Variants in PAFAH2 observed in about 807,000 individuals in gnomAD.
The protein encoded by PAFAH2 is platelet-activating factor acetylhydrolase 2, cytoplasmic.
Under a neutral mutation model 49.0 loss-of-function variants are expected in PAFAH2, and 42 were observed. The observed-to-expected ratio is 0.86, with a 90% CI of 0.67 to 1.11. The LOEUF is 1.11. Among genes scored for constraint, PAFAH2 ranks in the 50% least tolerant of loss-of-function variants. PAFAH2 has a pLI of 0.00. For synonymous variants in PAFAH2, 184 were observed against 181.3 expected, an observed-to-expected ratio of 1.01 and a Z score of -0.12; for missense variants, 503 against 501.8, an observed-to-expected ratio of 1.00 and a Z score of -0.02.
At chr1:25,985,667 G>A (rs1259781177) in intron 4 of PAFAH2, among the ~76,000 whole-genome samples, 3 of 152,128 alleles carry the variant, frequency 2.0e-5, no homozygotes, top group African/African-American at 4.8e-5. Context: ...GAATTCTCTC[G>A]TCTTCACTAC....
chr1:25,982,259 C>T (rs1466518561), intron 7 of PAFAH2, 105 bp downstream of exon 7: 3 of 802,288 alleles, frequency 3.7e-6, no homozygotes, highest in Non-Finnish European at 6.3e-6. Context: ...GTTATATGAG[C>T]CAATCAATTC....
chr1:25,985,105 C>T (rs2049762676), intron 4 of PAFAH2, among the ~76,000 whole-genome samples: 1 of 152,056 alleles, frequency 6.6e-6, no homozygotes, highest in African/African-American at 2.4e-5. Context: ...GATCCGCCCA[C>T]CTCGGCCTCC....
intron 10 of PAFAH2, among the ~76,000 whole-genome samples, chr1:25,962,735 G>A (rs1356254531): frequency 6.6e-6 from 1 of 151,840 alleles, no homozygotes; most frequent in Non-Finnish European, 1.5e-5. Context: ...CAAGACTGGA[G>A]GATTGCTTGA....
intron 1 of PAFAH2, among the ~76,000 whole-genome samples, chr1:25,995,158 C>T (rs1394582050): frequency 6.6e-6 from 1 of 152,224 alleles, no homozygotes; most frequent in Non-Finnish European, 1.5e-5. Flanking sequence ...TCTCCATCCA[C>T]TGAGGCCCAG....
chr1:25,997,329 AAG>A (rs1458168642), intron 1 of PAFAH2: 1 of 152,258 alleles, frequency 6.6e-6, no homozygotes, highest in East Asian at 1.9e-4. Flanking sequence ...GAGGCCTGAT[AAG>A]AGTGTTCCAG....
In PAFAH2 at chr1:25,960,309, T is replaced by A. The variant is rs909280641; in HGVS notation, c.*1680A>T. 1 of 152,682 alleles carries A rather than the reference T, an allele frequency of 6.5e-6. No homozygotes were observed. Among genetic ancestry groups the A allele is most frequent in the African/African-American group, 2.4e-5 (1 of 41,468 alleles). 9.5% of individuals were successfully genotyped at this position (152,682 alleles called of 1,614,324 possible). On this transcript the variant is annotated 3_prime_UTR_variant, in exon 11 of 11. Transcript: ENST00000374282. ...CTGACCATGGGCCATTGTGTAGAGA[T>A]GCATTTCCCTTTTGCTCTTACCTAC...
chr1:25,989,654 C>T lies in PAFAH2; in HGVS notation c.91-53G>A. On this transcript the variant is annotated intron_variant, in intron 2 of 10. Coordinates refer to ENST00000374282, the MANE Select transcript of PAFAH2 (RefSeq NM_000437.4). ...AGAGCAAGGAGCCCAGGCTAGATTT[C>T]CCAACAGCCACACTCAGCAGGTGTT... The T allele has an allele frequency of 4.4e-6, 6 of 1,372,842 alleles. 1 individual carries two copies. In the South Asian group the frequency reaches 1.1e-4, roughly 24 times the overall value. The allele number at this position is 1,372,842 out of a possible 1,614,324, so 85.0% of individuals were successfully genotyped here.
chr1:25,988,095 A>G (rs922393465), intron 4 of PAFAH2, 136 bp downstream of exon 4: 1 of 615,780 alleles, frequency 1.6e-6, no homozygotes, highest in African/African-American at 1.9e-5. Context: ...ACCCAATGCT[A>G]TGGGACGAAG....
intron 2 of PAFAH2, among the ~76,000 whole-genome samples, chr1:25,990,094 G>C (rs1275129338): frequency 6.6e-6 from 1 of 152,076 alleles, no homozygotes; most frequent in Non-Finnish European, 1.5e-5. Context: ...AAGTCCAAGG[G>C]CTAGCAGAGA....
At chr1:25,989,128 C>T (rs1164378800) in intron 3 of PAFAH2, among the ~76,000 whole-genome samples, 2 of 152,124 alleles carry the variant, frequency 1.3e-5, no homozygotes, top group Non-Finnish European at 2.9e-5. Context: ...TTATATGTCC[C>T]AAGCACCGCA....
rs755949943 is a variant in PAFAH2, at chr1:25,990,837, A to G, written c.-21T>C. 3.7e-6 allele frequency: 6 copies of G among 1,606,100 alleles called. No individual in the cohort carries two copies. In the Admixed American group the frequency reaches 1.0e-4, roughly 27 times the overall value. ...CCCATTTCATCACCGGGTGAATCAA[A>G]TGACTTGCCGGAGCTGAACTTGCTG... On this transcript the variant is annotated 5_prime_UTR_variant, in exon 2 of 11. Transcript: ENST00000374282.
chr1:25,991,760 GC>G (rs1387129001), intron 1 of PAFAH2, among the ~76,000 whole-genome samples: 12 of 151,972 alleles, frequency 7.9e-5, no homozygotes, highest in African/African-American at 2.9e-4. Context: ...GGGTGCAGTG[GC>G]AGGCACCTAT....
intron 4 of PAFAH2, among the ~76,000 whole-genome samples, chr1:25,985,819 T>C (rs563389367): frequency 1.3e-5 from 2 of 152,366 alleles, no homozygotes; most frequent in Admixed American, 1.3e-4. Flanking sequence ...CAGGAGTCTA[T>C]GTTCCTGCTC....
chr1:25,963,399 G>C (rs1194085554), intron 10 of PAFAH2, among the ~76,000 whole-genome samples: 2 of 152,156 alleles, frequency 1.3e-5, no homozygotes, highest in African/African-American at 2.4e-5. Flanking sequence ...TATAGGATGT[G>C]AAAAGGGGAG....
intron 10 of PAFAH2, 46 bp downstream of exon 10, chr1:25,972,512 C>G (rs1311705655): frequency 6.3e-7 from 1 of 1,585,458 alleles, no homozygotes; most frequent in South Asian, 1.1e-5. Context: ...GCAAGGAAAT[C>G]TAAGGGACCC....
chr1:25,988,463 G>T, intron 3 of PAFAH2, 136 bp from the exon 4 acceptor site: 1 of 635,742 alleles, frequency 1.6e-6, no homozygotes. Context: ...GCAGCTCAGG[G>T]CAGTTAATCA....
chr1:25,964,454 C>T (rs1475955561), intron 10 of PAFAH2, among the ~76,000 whole-genome samples: 2 of 152,122 alleles, frequency 1.3e-5, no homozygotes, highest in Non-Finnish European at 2.9e-5. Flanking sequence ...GCCTATAACA[C>T]CAGCACTTTG....
intron 9 of PAFAH2, 40 bp from the exon 10 acceptor site, chr1:25,972,752 T>C (rs1183476656): frequency 6.2e-7 from 1 of 1,612,200 alleles, no homozygotes; most frequent in Non-Finnish European, 8.5e-7. Flanking sequence ...GTCTGGCGGC[T>C]AGGGCATACA....
rs2049675234 is a variant in PAFAH2, at chr1:25,980,777, T to C, written c.666+1587A>G. ...TCACACCTGTAATCCCAACACTTTGTGAGGCCAAGGCAGGTGGACTGCCTG... is the reference window on the plus strand; with the variant it reads ...TCACACCTGTAATCCCAACACTTTGCGAGGCCAAGGCAGGTGGACTGCCTG... On this transcript the variant is annotated intron_variant, in intron 7 of 10. Coordinates refer to ENST00000374282, the MANE Select transcript of PAFAH2 (RefSeq NM_000437.4). Among the ~76,000 whole-genome samples the C allele has an allele frequency of 5.3e-5, 8 of 151,944 alleles. No homozygotes were observed. In the South Asian group the frequency reaches 1.7e-3, roughly 32 times the overall value.
Sources: allele counts gnomAD v4.1 joint callset (sites outside exome capture counted in the v4.1 genomes callset), GRCh38; gene constraint gnomAD v4.1.1; transcripts MANE v1.5; gene names NCBI Gene and HGNC (gene_info 2026-07-23, HGNC 2026-07-21).